HIVEP2: variants seen among roughly 807,000 people sequenced by gnomAD.
The protein encoded by HIVEP2 is HIVEP zinc finger 2.
HIVEP2 carries 14 observed loss-of-function variants against 180.7 expected under a neutral mutation model. That is an observed-to-expected ratio of 0.08 (90% confidence interval 0.05 to 0.12). HIVEP2 has a LOEUF of 0.12. HIVEP2 is among the 10% of genes least tolerant of loss of function. The pLI is 1.00. For missense variants in HIVEP2, 2,579 were observed against 3,008.5 expected (o/e 0.86, Z 3.34); for synonymous variants, 1,184 against 1,136.4 (o/e 1.04, Z -0.84).
At chr6:142,847,437 C>T (rs774718531) in intron 1 of HIVEP2, among the ~76,000 whole-genome samples, 28 of 149,028 alleles carry the variant, frequency 1.9e-4, no homozygotes, top group African/African-American at 5.2e-4. Flanking sequence ...AAAAAAAAGA[C>T]GAAAAAGAGT....
At chr6:142,759,386 T>C (rs185875331) in intron 9 of HIVEP2, among the ~76,000 whole-genome samples, 1 of 152,328 alleles carries the variant, frequency 6.6e-6, no homozygotes, top group East Asian at 1.9e-4. Flanking sequence ...CCTTACCTGG[T>C]GATGAGTTAT....
chr6:142,846,539 T>C lies in HIVEP2; in HGVS notation c.-640-9492A>G, dbSNP rs114846515. Among the ~76,000 whole-genome samples, 658 of 152,272 alleles carry C rather than the reference T, an allele frequency of 4.3e-3. 3 individuals are homozygous for C. The highest frequency in any genetic ancestry group is 0.015 in the African/African-American group (622 of 41,558). On this transcript the variant is annotated intron_variant, in intron 1 of 9. Transcript: ENST00000367603. ...GATATTTCCCATCAATTCTGTTTAA[T>C]TAGAGTAGCACCACACGTTAATTAT...
chr6:142,890,361 G>C (rs1048492220), intron 1 of HIVEP2, among the ~76,000 whole-genome samples: 1 of 152,192 alleles, frequency 6.6e-6, no homozygotes, highest in Admixed American at 6.5e-5. Context: ...CTTTTATTGC[G>C]TGTACTTCTT....
chr6:142,894,803 A>C (rs1776942224), intron 1 of HIVEP2, among the ~76,000 whole-genome samples: 1 of 152,188 alleles, frequency 6.6e-6, no homozygotes, highest in Admixed American at 6.5e-5. Flanking sequence ...CAGTCATTTG[A>C]ACGCAGGGTC....
intron 1 of HIVEP2, among the ~76,000 whole-genome samples, chr6:142,865,683 T>C (rs1279447189): frequency 6.6e-6 from 1 of 152,122 alleles, no homozygotes; most frequent in African/African-American, 2.4e-5. Flanking sequence ...GCCCAGTACA[T>C]TGAAAAGAGG....
At position 142,753,433 on chromosome 6, in the gene HIVEP2, C is replaced by A; in HGVS notation, c.7015G>T (p.Ala2339Ser). 6.2e-7 allele frequency: 1 copy of A among 1,613,958 alleles called. No homozygotes were observed. The highest frequency in any genetic ancestry group is 8.5e-7 in the Non-Finnish European group (1 of 1,180,036). Residue 2339 changes from alanine (A) to serine (S), a missense_variant, in exon 10 of 10, where the codon GCC becomes TCC. Ala to Ser is a moderately conservative substitution (Grantham distance 99, BLOSUM62 1). Around this residue, in one of 11 missense-constraint regions of HIVEP2, gnomAD observed 660 missense variants for 731.7 expected, o/e 0.90. Coordinates refer to ENST00000367603, the MANE Select transcript of HIVEP2 (RefSeq NM_006734.4). ...CCGAGCAGAGCTGCCTCTTCCGTGG[C>A]AATCCGGAGAGAGGCAATGGCTTTT... Reference protein sequence around the residue: ...CTKAIASLRIATEEAALLGPD... With the variant: ...CTKAIASLRISTEEAALLGPD...
intron 1 of HIVEP2, among the ~76,000 whole-genome samples, chr6:142,874,844 T>TC (rs1776387682): frequency 1.3e-5 from 2 of 152,046 alleles, no homozygotes; most frequent in South Asian, 4.1e-4. Context: ...TAGGGCAGGG[T>TC]CAGAGGTCCC....
Position 142,774,421 on chromosome 6 carries a change from T to A in HIVEP2, c.318A>T (p.Pro106=). The A allele has an allele frequency of 6.2e-7, 1 of 1,614,190 alleles. No homozygotes were observed. Among genetic ancestry groups the A allele is most frequent in the Non-Finnish European group, 8.5e-7 (1 of 1,180,042 alleles). ...GCTTGGTGCTGTGCATGACCCCCTG[T>A]GGCAATGAGTGCTGAGGGAAAGAGA... The part of the protein sequence containing the change: ...HSLSFPQHSL[P]QGVMHSTKPH... Residue 106 remains proline (P), a synonymous_variant, in exon 5 of 10, where the codon CCA becomes CCT. Coordinates refer to ENST00000367603, the MANE Select transcript of HIVEP2 (RefSeq NM_006734.4). The surrounding 1 kb of genome is among the most constrained non-coding windows in gnomAD (Gnocchi z 5.1).
rs1554279257 is a variant in HIVEP2, at chr6:142,793,622, C to CTCTTTCTTTCCTTCTTTCTTTCTTTCTT, written c.-527-10008_-527-10007insAAGAAAGAAAGAAAGAAGGAAAGAAAGA. 4.8e-4 allele frequency among the ~76,000 whole-genome samples: 24 copies of CTCTTTCTTTCCTTCTTTCTTTCTTTCTT among 50,296 alleles called. 1 individual carries two copies. The highest frequency in any genetic ancestry group is 1.0e-3 in the Admixed American group (6 of 5,904). The allele number at this position is 50,296 out of a possible 152,430, so 33.0% of individuals were successfully genotyped here. On this transcript the variant is annotated intron_variant, in intron 2 of 9. Transcript: ENST00000367603. ...CCCCTCCCACCTCCCATCCTTCCTT[C>CTCTTTCTTTCCTTCTTTCTTTCTTTCTT]TCTTTCTTTCTTTCTTTCTTTCTTT...
intron 3 of HIVEP2, among the ~76,000 whole-genome samples, chr6:142,782,663 T>A (rs1775887006): frequency 6.6e-6 from 1 of 152,196 alleles, no homozygotes; most frequent in Admixed American, 6.5e-5. Flanking sequence ...CAGAAAACTT[T>A]TGGAGAAAAG....
intron 1 of HIVEP2, among the ~76,000 whole-genome samples, chr6:142,851,324 T>G (rs1287666391): frequency 6.6e-6 from 1 of 152,176 alleles, no homozygotes; most frequent in Non-Finnish European, 1.5e-5. Context: ...TGATTTAATT[T>G]CTCTATAAGA....
At chr6:142,863,044 A>C (rs899545726) in intron 1 of HIVEP2, among the ~76,000 whole-genome samples, 1 of 142,152 alleles carries the variant, frequency 7.0e-6, no homozygotes, top group Non-Finnish European at 1.5e-5. Context: ...ATATTACATA[A>C]TATATTATAT....
intron 1 of HIVEP2, among the ~76,000 whole-genome samples, chr6:142,860,533 G>C (rs1775949381): frequency 6.6e-6 from 1 of 152,128 alleles, no homozygotes. Context: ...TGGGAGCCCT[G>C]AGCTTGTTTT....
At chr6:142,931,902 C>A (rs1429440173) in intron 1 of HIVEP2, among the ~76,000 whole-genome samples, 1 of 152,182 alleles carries the variant, frequency 6.6e-6, no homozygotes, top group African/African-American at 2.4e-5. Context: ...ATCTTCCTAA[C>A]TTTCTCACCA....
chr6:142,926,557 C>T (rs1279173728), intron 1 of HIVEP2, among the ~76,000 whole-genome samples: 1 of 152,238 alleles, frequency 6.6e-6, no homozygotes, highest in Non-Finnish European at 1.5e-5. Flanking sequence ...CGGACTCAGG[C>T]CTCCTGAGGT....
At chr6:142,778,300 CAAG>C (rs887721707) in intron 3 of HIVEP2, among the ~76,000 whole-genome samples, 3 of 152,130 alleles carry the variant, frequency 2.0e-5, no homozygotes, top group African/African-American at 7.2e-5. Flanking sequence ...ACCATGCTAA[CAAG>C]AAGAAGACAC....
At chr6:142,842,536 G>A (rs1002746212) in intron 1 of HIVEP2, among the ~76,000 whole-genome samples, 6 of 152,118 alleles carry the variant, frequency 3.9e-5, no homozygotes, top group African/African-American at 1.4e-4. Flanking sequence ...TTTGCCATCC[G>A]CACTTTGAAA....
chr6:142,763,616 T>C (rs1208814387), intron 7 of HIVEP2, among the ~76,000 whole-genome samples: 4 of 152,240 alleles, frequency 2.6e-5, no homozygotes, highest in Non-Finnish European at 4.4e-5. Context: ...ATATGCCCAG[T>C]GAAGATATGT....
At chr6:142,937,359 T>C (rs763951011) in intron 1 of HIVEP2, among the ~76,000 whole-genome samples, 26 of 152,374 alleles carry the variant, frequency 1.7e-4, no homozygotes, top group Admixed American at 2.6e-4. Context: ...TTGTTAATAA[T>C]AACCCATAGC....
Sources: gnomAD v4.1 joint callset for allele counts (sites outside exome capture counted in the v4.1 genomes callset) on GRCh38, gnomAD v4.1.1 for gene constraint, gnomAD v4.1.1 regional missense constraint, Gnocchi (gnomAD v3.1) non-coding constraint, MANE v1.5 for transcripts, NCBI Gene and HGNC (gene_info 2026-07-23, HGNC 2026-07-21) for gene names.